Variants in UNC13C observed in about 807,000 individuals in gnomAD.
UNC13C encodes the protein unc-13 homolog C, also known as protein unc-13 homolog C.
Under a neutral mutation model 245.4 loss-of-function variants are expected in UNC13C, and 174 were observed. The observed-to-expected ratio is 0.71, with a 90% CI of 0.63 to 0.80. The LOEUF is 0.80. Ranked by LOEUF, UNC13C falls within the 30% of genes least tolerant of loss-of-function variation. UNC13C has a pLI of 0.00. For missense variants in UNC13C, 2,829 were observed against 2,602.9 expected, an observed-to-expected ratio of 1.09 and a Z score of -1.89; for synonymous variants, 992 against 895.1, an observed-to-expected ratio of 1.11 and a Z score of -1.93.
intron 2 of UNC13C, among the ~76,000 whole-genome samples, chr15:54,141,557 A>AT (rs2032020235): frequency 6.6e-6 from 1 of 151,982 alleles, no homozygotes; most frequent in African/African-American, 2.4e-5. Context: ...GAAGGTTTTG[A>AT]TTTTTTATCA....
rs138060158 is a variant in UNC13C, at chr15:54,201,617, T to C, written c.3072-33413T>C. On this transcript the variant is annotated intron_variant, in intron 4 of 32. Transcript: ENST00000260323. ...AAGCATTCGATGAAATCTAGGATCA[T>C]TTTATGATTAAAATCCTCAGCAAAA... Among the ~76,000 whole-genome samples, 1,453 of 151,942 alleles carry C rather than the reference T, an allele frequency of 9.6e-3. 6 individuals are homozygous for C. The highest frequency in any genetic ancestry group is 0.02 in the Middle Eastern group (6 of 294).
chr15:54,462,786 C>T (rs36113370), intron 19 of UNC13C, among the ~76,000 whole-genome samples: 1,826 of 152,324 alleles, frequency 0.012, 17 homozygotes, highest in Non-Finnish European at 0.019. Flanking sequence ...GGCGCCACCC[C>T]CTGCTCCACA....
intron 4 of UNC13C, among the ~76,000 whole-genome samples, chr15:54,166,622 A>C (rs953729379): frequency 2.0e-5 from 3 of 152,164 alleles, no homozygotes; most frequent in African/African-American, 7.2e-5. Flanking sequence ...AGAATTCTGC[A>C]AAACAATTAC....
chr15:54,008,510 A>C (rs1230192219), intron 1 of UNC13C, among the ~76,000 whole-genome samples: 2 of 152,184 alleles, frequency 1.3e-5, no homozygotes, highest in African/African-American at 4.8e-5. Flanking sequence ...TTCTTTCCAA[A>C]GTCTTAAATC....
At chr15:53,938,226 T>C in the UNC13C span, among the ~76,000 whole-genome samples, 22 of 152,120 alleles carry the variant, frequency 1.4e-4, no homozygotes, top group African/African-American at 5.3e-4. Flanking sequence ...GTCACATTCC[T>C]AGTTTCTGAC....
At chr15:54,140,246 C>A (rs1477528829) in intron 2 of UNC13C, among the ~76,000 whole-genome samples, 1 of 152,116 alleles carries the variant, frequency 6.6e-6, no homozygotes, top group Non-Finnish European at 1.5e-5. Context: ...GATTATAATT[C>A]ATCTTCACTA....
At chr15:54,026,298 A>T (rs1387932599) in intron 2 of UNC13C, among the ~76,000 whole-genome samples, 9 of 152,212 alleles carry the variant, frequency 5.9e-5, no homozygotes, top group Non-Finnish European at 5.9e-5. Context: ...CCGGTCATTA[A>T]TGTAGGTTGT....
intron 13 of UNC13C, among the ~76,000 whole-genome samples, chr15:54,312,315 C>T (rs1433983088): frequency 6.6e-6 from 1 of 151,610 alleles, no homozygotes; most frequent in Non-Finnish European, 1.5e-5. Context: ...TTGCTGACCA[C>T]CTGGATGTTG....
chr15:54,542,650 C>T (rs1896299262), intron 26 of UNC13C, among the ~76,000 whole-genome samples: 2 of 152,094 alleles, frequency 1.3e-5, no homozygotes, highest in African/African-American at 2.4e-5. Context: ...CTTTGTAGGT[C>T]TCTAAGAACT....
At chr15:54,252,888 T>A (rs1596087640) in intron 8 of UNC13C, among the ~76,000 whole-genome samples, 1 of 152,206 alleles carries the variant, frequency 6.6e-6, no homozygotes, top group African/African-American at 2.4e-5. Context: ...GACTTTAGAA[T>A]GCTAGTTCAT....
At chr15:54,067,288 A>G (rs1898120205) in intron 2 of UNC13C, among the ~76,000 whole-genome samples, 1 of 152,112 alleles carries the variant, frequency 6.6e-6, no homozygotes, top group African/African-American at 2.4e-5. Flanking sequence ...TTAATCCTTT[A>G]TTTTATCTCC....
chr15:54,051,914 C>T (rs1453427694), intron 2 of UNC13C, among the ~76,000 whole-genome samples: 1 of 132,770 alleles, frequency 7.5e-6, no homozygotes, highest in Non-Finnish European at 1.6e-5. Context: ...CTCCCCCCTC[C>T]CTCCACCCCA....
At chr15:54,414,902 G>A (rs74452803) in intron 18 of UNC13C, 80 bp from the exon 19 acceptor site, 5 of 826,332 alleles carry the variant, frequency 6.1e-6, no homozygotes, top group Middle Eastern at 2.3e-4. Flanking sequence ...AACTACTGTG[G>A]TATATATGTA....
chr15:54,104,525 T>A (rs951918423), intron 2 of UNC13C, among the ~76,000 whole-genome samples: 2 of 152,140 alleles, frequency 1.3e-5, no homozygotes, highest in Admixed American at 1.3e-4. Flanking sequence ...GTATTCTAAC[T>A]TCAAGTGATT....
rs181179338 is a variant in UNC13C at position 54,279,513 on chromosome 15, C to T, written c.3818+14017C>T. ...TTCAAGTTTGGTGTTCAGATAAAGT[C>T]TGTTTGGGAAGCTGATGGAACCACA... On this transcript the variant is annotated intron_variant, in intron 10 of 32. Coordinates refer to ENST00000260323, the MANE Select transcript of UNC13C (RefSeq NM_001080534.3). Among the ~76,000 whole-genome samples, 55 of 152,278 alleles carry T rather than the reference C, an allele frequency of 3.6e-4. 1 individual carries two copies. The highest frequency in any genetic ancestry group is 3.5e-3 in the Admixed American group (54 of 15,280).
rs11639005 is a variant in UNC13C at position 54,555,479 on chromosome 15, C to G, written c.5925C>G (p.Cys1975Trp). 6.2e-7 allele frequency: 1 copy of G among 1,609,306 alleles called. No individual in the cohort carries two copies. Among genetic ancestry groups the G allele is most frequent in the African/African-American group, 1.3e-5 (1 of 74,674 alleles). ...CCAGGGGTCTGACGCCAAGACAATG[C>G]GCTATAATGGAGGTAGTCCTGGCTA... ...EDARGLTPRQ[C>W]AIMEVVLATI... The change falls in exon 29 of 33, where the codon TGC (cysteine) becomes TGG (tryptophan). Residue 1975 changes from cysteine to tryptophan, a missense_variant. Physicochemically the swap from Cys to Trp is radical, Grantham distance 215. Coordinates refer to ENST00000260323, the MANE Select transcript of UNC13C (RefSeq NM_001080534.3).
intron 2 of UNC13C, among the ~76,000 whole-genome samples, chr15:54,131,848 G>A (rs2031435919): frequency 6.6e-6 from 1 of 152,026 alleles, no homozygotes; most frequent in Non-Finnish European, 1.5e-5. Context: ...AACACTCTAT[G>A]CTCTTTCAAG....
the UNC13C span, among the ~76,000 whole-genome samples, chr15:53,864,685 CAGAATCGT>C: frequency 4.6e-5 from 7 of 152,132 alleles, no homozygotes; most frequent in African/African-American, 1.7e-4. Context: ...ATAGTATTTG[CAGAATCGT>C]AGATACAGAT....
intron 2 of UNC13C, among the ~76,000 whole-genome samples, chr15:54,126,479 G>T (rs1438344157): frequency 6.6e-6 from 1 of 152,024 alleles, no homozygotes; most frequent in African/African-American, 2.4e-5. Flanking sequence ...TAAAGCAAAA[G>T]CTGACACAAA....
Sources: gnomAD v4.1 joint callset for allele counts (sites outside exome capture counted in the v4.1 genomes callset) on GRCh38, gnomAD v4.1.1 for gene constraint, MANE v1.5 for transcripts, NCBI Gene and HGNC (gene_info 2026-07-23, HGNC 2026-07-21) for gene names.